PKNOX2: variants seen among roughly 807,000 people sequenced by gnomAD.
PKNOX2 encodes the protein homeobox protein PKNOX2.
A neutral mutation model predicts 53.1 loss-of-function variants in PKNOX2; 14 were observed. The observed-to-expected ratio is 0.26, with a 90% CI of 0.17 to 0.41. The LOEUF is 0.41. PKNOX2 is among the 10% of genes least tolerant of loss of function. The pLI, the probability that PKNOX2 is intolerant of heterozygous loss-of-function variation, is 1.00. For missense variants in PKNOX2, 496 were observed against 602.8 expected, an observed-to-expected ratio of 0.82 and a Z score of 1.85; for synonymous variants, 257 against 242.8, an observed-to-expected ratio of 1.06 and a Z score of -0.54.
intron 6 of PKNOX2, among the ~76,000 whole-genome samples, chr11:125,390,591 G>A (rs1953989371): frequency 6.6e-6 from 1 of 152,224 alleles, no homozygotes; most frequent in Non-Finnish European, 1.5e-5. Context: ...AAAGCCCCGA[G>A]TGTCTTCTTT....
intron 2 of PKNOX2, among the ~76,000 whole-genome samples, chr11:125,284,256 C>T (rs1438670256): frequency 6.6e-6 from 1 of 152,210 alleles, no homozygotes; most frequent in Non-Finnish European, 1.5e-5. Flanking sequence ...GGCAAGTACT[C>T]CCATGGGCTG....
At chr11:125,178,586 G>GA (rs1565462292) in intron 1 of PKNOX2, among the ~76,000 whole-genome samples, 3 of 36,958 alleles carry the variant, frequency 8.1e-5, no homozygotes, top group African/African-American at 5.6e-4. Context: ...AGGAAGGAAG[G>GA]AAGGAAGGAA....
chr11:125,421,976 G>A (rs1186082705), intron 10 of PKNOX2, among the ~76,000 whole-genome samples: 1 of 152,204 alleles, frequency 6.6e-6, no homozygotes, highest in Non-Finnish European at 1.5e-5. Context: ...ATCTTGAGAT[G>A]TTGGTTAACA....
intron 1 of PKNOX2, among the ~76,000 whole-genome samples, chr11:125,171,621 C>A (rs970120565): frequency 6.6e-6 from 1 of 152,236 alleles, no homozygotes; most frequent in African/African-American, 2.4e-5. Context: ...GGTTGACTCT[C>A]CTCTGTCATG....
At chr11:125,378,644 C>G (rs908014107) in intron 5 of PKNOX2, among the ~76,000 whole-genome samples, 1 of 152,338 alleles carries the variant, frequency 6.6e-6, no homozygotes, top group East Asian at 1.9e-4. Context: ...CAGCCACACA[C>G]TTGGCTGGAC....
intron 1 of PKNOX2, among the ~76,000 whole-genome samples, chr11:125,202,995 C>T (rs2135410508): frequency 6.6e-6 from 1 of 152,140 alleles, no homozygotes; most frequent in East Asian, 1.9e-4. Context: ...TAAGTTTTTC[C>T]TTATGTGCTC....
intron 5 of PKNOX2, among the ~76,000 whole-genome samples, chr11:125,374,707 C>T (rs567200106): frequency 6.6e-6 from 1 of 152,236 alleles, no homozygotes; most frequent in African/African-American, 2.4e-5. Context: ...ATCCAGGGTC[C>T]CCGCCAAGAC....
chr11:125,318,249 G>A (rs1053855129), intron 2 of PKNOX2, among the ~76,000 whole-genome samples: 5 of 151,730 alleles, frequency 3.3e-5, no homozygotes, highest in Non-Finnish European at 5.9e-5. Flanking sequence ...TGGGATTACA[G>A]GCACCCGCCA....
intron 9 of PKNOX2, 111 bp from the exon 10 acceptor site, chr11:125,411,635 A>G (rs1396192409): frequency 6.4e-7 from 1 of 1,572,728 alleles, no homozygotes; most frequent in Non-Finnish European, 8.7e-7. Context: ...GGCCCTAGGA[A>G]TGAGCCGGGA....
At chr11:125,181,516 G>A (rs1956157109) in intron 1 of PKNOX2, among the ~76,000 whole-genome samples, 1 of 152,198 alleles carries the variant, frequency 6.6e-6, no homozygotes, top group African/African-American at 2.4e-5. Context: ...GGGACTTGTG[G>A]TAGGGAGGAG....
intron 2 of PKNOX2, among the ~76,000 whole-genome samples, chr11:125,235,876 T>C (rs1029020997): frequency 3.3e-5 from 5 of 152,192 alleles, no homozygotes; most frequent in Non-Finnish European, 2.9e-5. Context: ...AGTCTGGGAT[T>C]CCTACTTCTC....
intron 1 of PKNOX2, among the ~76,000 whole-genome samples, chr11:125,202,226 C>T (rs1348060825): frequency 1.3e-5 from 2 of 152,190 alleles, no homozygotes; most frequent in Non-Finnish European, 2.9e-5. Flanking sequence ...CCCCCCATCT[C>T]GCTGCAGACA....
At chr11:125,277,987 C>T (rs892649685) in intron 2 of PKNOX2, among the ~76,000 whole-genome samples, 3 of 151,818 alleles carry the variant, frequency 2.0e-5, no homozygotes, top group South Asian at 2.1e-4. Flanking sequence ...GAGGCTGAGG[C>T]GGGAGGATCT....
chr11:125,298,620 G>T (rs1041217996), intron 2 of PKNOX2, among the ~76,000 whole-genome samples: 2 of 152,178 alleles, frequency 1.3e-5, no homozygotes, highest in African/African-American at 4.8e-5. Context: ...GTTCTGAGCC[G>T]CTGAAAGGCC....
intron 1 of PKNOX2, among the ~76,000 whole-genome samples, chr11:125,230,106 G>C (rs1942075863): frequency 1.3e-5 from 2 of 152,196 alleles, no homozygotes. Context: ...AGCCTTTCCA[G>C]GTCCTTTGCA....
intron 6 of PKNOX2, among the ~76,000 whole-genome samples, chr11:125,389,098 G>A (rs1953854553): frequency 6.6e-6 from 1 of 152,182 alleles, no homozygotes. Flanking sequence ...AGGAGGCTGA[G>A]GCATGAGAAT....
chr11:125,272,224 A>G (rs1246518265), intron 2 of PKNOX2, among the ~76,000 whole-genome samples: 1 of 152,190 alleles, frequency 6.6e-6, no homozygotes, highest in East Asian at 1.9e-4. Flanking sequence ...AAAGCTCTCC[A>G]GGTGTTTTTC....
At chr11:125,242,635 G>A (rs1335610797) in intron 2 of PKNOX2, among the ~76,000 whole-genome samples, 2 of 152,034 alleles carry the variant, frequency 1.3e-5, no homozygotes. Context: ...AAATGGCTCA[G>A]GTCTTCCTGT....
chr11:125,186,422 T>C (rs766098703), intron 1 of PKNOX2, among the ~76,000 whole-genome samples: 1 of 152,130 alleles, frequency 6.6e-6, no homozygotes, highest in Non-Finnish European at 1.5e-5. Context: ...GAGGCTGAGG[T>C]AGGCAGATCA....
Sources: allele counts gnomAD v4.1 joint callset (sites outside exome capture counted in the v4.1 genomes callset), GRCh38; gene constraint gnomAD v4.1.1; transcripts MANE v1.5; gene names NCBI Gene and HGNC (gene_info 2026-07-23, HGNC 2026-07-21).